PARD3B: variants seen among roughly 807,000 people sequenced by gnomAD.
The protein encoded by PARD3B is par-3 family cell polarity regulator beta, also known as partitioning defective 3 homolog B.
Under a neutral mutation model 130.2 loss-of-function variants are expected in PARD3B, and 103 were observed. The ratio of observed to expected loss-of-function variants is 0.79; its 90% CI spans 0.67 to 0.93. The LOEUF (loss-of-function observed/expected upper bound fraction) is 0.93, where lower values mean the gene tolerates loss of function less well. Among genes scored for constraint, PARD3B ranks in the 40% least tolerant of loss-of-function variants. The pLI is 0.00. For missense variants in PARD3B, 1,609 were observed against 1,499.2 expected (o/e 1.07, Z -1.21); for synonymous variants, 583 against 553.2 (o/e 1.05, Z -0.76).
intron 15 of PARD3B, among the ~76,000 whole-genome samples, chr2:205,205,754 A>G (rs1367917635): frequency 6.6e-6 from 1 of 152,098 alleles, no homozygotes; most frequent in African/African-American, 2.4e-5. Context: ...ACATTAATTG[A>G]TTTGCGTATG....
intron 2 of PARD3B, among the ~76,000 whole-genome samples, chr2:204,761,114 A>T (rs576785891): frequency 2.7e-4 from 41 of 152,310 alleles, no homozygotes; most frequent in Non-Finnish European, 4.6e-4. Flanking sequence ...GTGATGACAC[A>T]AACTTGTTAG....
In PARD3B at chr2:205,162,773, T is replaced by C. The variant is rs149989356; in HGVS notation, c.1620+3866T>C. On this transcript the variant is annotated intron_variant, in intron 11 of 22. Transcript: ENST00000406610. ...ACCTTTCCCTAAATCCACATCAAAA[T>C]GTCCCTAAATCCACATCAAAATTTG... Among the ~76,000 whole-genome samples, 1,104 of 152,296 alleles carry C rather than the reference T, an allele frequency of 7.2e-3. 6 individuals are homozygous for C. The highest frequency in any genetic ancestry group is 7.7e-3 in the South Asian group (37 of 4,822).
At chr2:204,798,093 G>A (rs952475889) in intron 2 of PARD3B, among the ~76,000 whole-genome samples, 2 of 152,058 alleles carry the variant, frequency 1.3e-5, no homozygotes, top group African/African-American at 2.4e-5. Flanking sequence ...AAAATCAGGC[G>A]AGCAATCCCA....
At chr2:205,202,802 G>A (rs2037064383) in intron 15 of PARD3B, among the ~76,000 whole-genome samples, 1 of 152,174 alleles carries the variant, frequency 6.6e-6, no homozygotes, top group Non-Finnish European at 1.5e-5. Flanking sequence ...GGAGAGGGTA[G>A]TGTTGGTAGT....
At chr2:205,204,146 T>C (rs1315973346) in intron 15 of PARD3B, among the ~76,000 whole-genome samples, 1 of 152,236 alleles carries the variant, frequency 6.6e-6, no homozygotes, top group African/African-American at 2.4e-5. Flanking sequence ...ATTGCCATTC[T>C]AACTGGCATG....
chr2:204,714,585 G>A (rs2038629025), intron 2 of PARD3B, among the ~76,000 whole-genome samples: 1 of 152,176 alleles, frequency 6.6e-6, no homozygotes, highest in Non-Finnish European at 1.5e-5. Flanking sequence ...AAGAAAGAAG[G>A]AGGAACATCT....
intron 1 of PARD3B, among the ~76,000 whole-genome samples, chr2:204,579,896 G>A (rs1220470821): frequency 6.6e-6 from 1 of 152,236 alleles, no homozygotes; most frequent in Non-Finnish European, 1.5e-5. Flanking sequence ...TTGAAGGCTA[G>A]GGTTTGGTTA....
intron 20 of PARD3B, among the ~76,000 whole-genome samples, chr2:205,491,744 T>C (rs2049723556): frequency 6.6e-6 from 1 of 152,130 alleles, no homozygotes; most frequent in African/African-American, 2.4e-5. Flanking sequence ...ATGGAAATAC[T>C]AAGACAAGGA....
intron 1 of PARD3B, among the ~76,000 whole-genome samples, chr2:204,566,445 G>A (rs540664970): frequency 1.2e-4 from 18 of 152,176 alleles, no homozygotes; most frequent in African/African-American, 4.3e-4. Flanking sequence ...GTTACTGTGT[G>A]TTTTTCTCCA....
At chr2:204,895,466 G>A (rs1025346764) in intron 2 of PARD3B, among the ~76,000 whole-genome samples, 2 of 151,636 alleles carry the variant, frequency 1.3e-5, no homozygotes, top group South Asian at 4.2e-4. Context: ...TCAGTTATCA[G>A]GTATTTAACC....
intron 2 of PARD3B, among the ~76,000 whole-genome samples, chr2:204,866,411 C>A (rs1169697930): frequency 1.3e-5 from 2 of 152,048 alleles, no homozygotes; most frequent in Non-Finnish European, 2.9e-5. Context: ...GAGCTGTCTT[C>A]TCTCCCGTTT....
At chr2:205,166,199 A>G (rs1434164) in intron 11 of PARD3B, among the ~76,000 whole-genome samples, 55,872 of 152,046 alleles carry the variant, frequency 0.37, 10,548 homozygotes, top group Middle Eastern at 0.5. Context: ...TTAAATATAT[A>G]AAAAACACTA....
intron 2 of PARD3B, among the ~76,000 whole-genome samples, chr2:204,947,274 A>G (rs1689402498): frequency 6.6e-6 from 1 of 152,114 alleles, no homozygotes; most frequent in South Asian, 2.1e-4. Flanking sequence ...ACAAATGATA[A>G]TGAATTTACA....
At chr2:205,106,439 A>G (rs1024383982) in intron 5 of PARD3B, among the ~76,000 whole-genome samples, 11 of 151,774 alleles carry the variant, frequency 7.2e-5, no homozygotes, top group African/African-American at 2.7e-4. Flanking sequence ...ATGAGCTACC[A>G]CGCCCGGCCA....
At chr2:204,861,549 G>T (rs1339798868) in intron 2 of PARD3B, among the ~76,000 whole-genome samples, 1 of 152,090 alleles carries the variant, frequency 6.6e-6, no homozygotes, top group African/African-American at 2.4e-5. Flanking sequence ...CTACTGAATT[G>T]AGATCAAAAG....
intron 2 of PARD3B, among the ~76,000 whole-genome samples, chr2:204,820,424 G>T (rs1372634173): frequency 6.6e-6 from 1 of 152,054 alleles, no homozygotes; most frequent in Non-Finnish European, 1.5e-5. Flanking sequence ...ATTGGAGGAA[G>T]ATGTCACCTA....
Position 204,623,350 on chromosome 2 carries a change from A to G in PARD3B, c.121-62831A>G, listed in dbSNP as rs1048206738. ...GTTACCTGTATAGATTAATGTCACC[A>G]TTACAATCAAGATAAGGAACTATTC... is the stretch of plus-strand genomic sequence containing the variant. On this transcript the variant is annotated intron_variant, in intron 1 of 22. Transcript: ENST00000406610. This position sits in a 1 kb window ranked among gnomAD's most constrained non-coding sequence, Gnocchi z 4.5. Among the ~76,000 whole-genome samples the G allele has an allele frequency of 6.6e-6, 1 of 152,106 alleles. No homozygotes were observed.
chr2:205,131,511 T>A (rs1043536852), intron 10 of PARD3B, among the ~76,000 whole-genome samples: 2 of 152,156 alleles, frequency 1.3e-5, no homozygotes, highest in Non-Finnish European at 2.9e-5. Context: ...AGAAGCTTCA[T>A]CTGAAGATGT....
chr2:204,851,536 A>G (rs2044706588), intron 2 of PARD3B, among the ~76,000 whole-genome samples: 2 of 152,222 alleles, frequency 1.3e-5, no homozygotes, highest in African/African-American at 4.8e-5. Flanking sequence ...TTAAAATGAG[A>G]TTCAGTGATA....
Sources: allele counts gnomAD v4.1 joint callset (sites outside exome capture counted in the v4.1 genomes callset), GRCh38; gene constraint gnomAD v4.1.1; non-coding constraint Gnocchi (gnomAD v3.1); transcripts MANE v1.5; gene names NCBI Gene and HGNC (gene_info 2026-07-23, HGNC 2026-07-21).